AIG1: variants seen among roughly 807,000 people sequenced by gnomAD.
AIG1 encodes the protein androgen-induced gene 1 protein.
AIG1 carries 23 observed loss-of-function variants against 31.4 expected under a neutral mutation model. The observed-to-expected ratio is 0.73, with a 90% CI of 0.53 to 1.04. AIG1 has a LOEUF of 1.04. Ranked by LOEUF, AIG1 falls within the 50% of genes least tolerant of loss-of-function variation. The pLI is 0.00. For synonymous variants in AIG1, 100 were observed against 110.5 expected (o/e 0.90, Z 0.60); for missense variants, 274 against 295.0 (o/e 0.93, Z 0.52).
intron 4 of AIG1, among the ~76,000 whole-genome samples, chr6:143,317,767 C>T (rs903510108): frequency 1.3e-5 from 2 of 152,024 alleles, no homozygotes; most frequent in Admixed American, 6.6e-5. Flanking sequence ...CCAGAAAGCT[C>T]CTAGAACTAA....
chr6:143,312,906 A>G (rs1179600480), intron 4 of AIG1, among the ~76,000 whole-genome samples: 1 of 152,196 alleles, frequency 6.6e-6, no homozygotes, highest in South Asian at 2.1e-4. Flanking sequence ...AAAAATCTGA[A>G]TAGACCTCAA....
At chr6:143,257,183 G>A (rs1394971688) in intron 3 of AIG1, among the ~76,000 whole-genome samples, 1 of 152,208 alleles carries the variant, frequency 6.6e-6, no homozygotes. Context: ...GTCCATGCCC[G>A]ATGGCTTTCA....
chr6:143,329,510 A>G lies in AIG1; in HGVS notation c.516-3772A>G, dbSNP rs946837707. ...TGACATAGTCTCATTTATACCCTAT[A>G]AGCTCTGATTCATACAATAGTACGA... On this transcript the variant is annotated intron_variant, in intron 4 of 5. Transcript: ENST00000357847. The surrounding 1 kb of genome is among the most constrained non-coding windows in gnomAD (Gnocchi z 4.9). 6.6e-6 allele frequency among the ~76,000 whole-genome samples: 1 copy of G among 152,212 alleles called. No homozygotes were observed. The highest frequency in any genetic ancestry group is 1.5e-5 in the Non-Finnish European group (1 of 68,050).
chr6:143,113,810 C>T lies in AIG1; in HGVS notation c.142-23025C>T, dbSNP rs1024751762. Among the ~76,000 whole-genome samples, 11 of 151,856 alleles carry T rather than the reference C, an allele frequency of 7.2e-5. No individual in the cohort carries two copies. In the East Asian group the frequency reaches 1.8e-3, roughly 24 times the overall value. On this transcript the variant is annotated intron_variant, in intron 1 of 5. Coordinates refer to ENST00000357847, the MANE Select transcript of AIG1 (RefSeq NM_016108.4). The stretch of plus-strand genomic sequence containing the variant: ...TTTTTTTTGAGACGGAGTCTCCCTC[C>T]GTCACCCAGGCTAGAGTGCAGTGGC...
chr6:143,113,330 C>T (rs570441927), intron 1 of AIG1, among the ~76,000 whole-genome samples: 92 of 152,034 alleles, frequency 6.1e-4, no homozygotes, highest in African/African-American at 1.9e-3. Context: ...TCTGGCGGGG[C>T]GTGGGGGCTC....
At chr6:143,102,748 A>G (rs1202393130) in intron 1 of AIG1, among the ~76,000 whole-genome samples, 1 of 151,918 alleles carries the variant, frequency 6.6e-6, no homozygotes, top group Non-Finnish European at 1.5e-5. Flanking sequence ...TAACTGACTT[A>G]ATAAAATTAA....
chr6:143,250,631 G>A (rs1794943230), intron 3 of AIG1, among the ~76,000 whole-genome samples: 1 of 152,070 alleles, frequency 6.6e-6, no homozygotes, highest in Admixed American at 6.5e-5. Context: ...GACACACATT[G>A]AGCAGGGGCA....
rs144207750 is a variant in AIG1 at position 143,134,765 on chromosome 6, C to G, written c.142-2070C>G. Among the ~76,000 whole-genome samples, 430 of 152,014 alleles carry G rather than the reference C, an allele frequency of 2.8e-3. 2 individuals carry two copies. The highest frequency in any genetic ancestry group is 9.9e-3 in the African/African-American group (409 of 41,508). ...AACCATACTTTGAGTACTCATGAAG[C>G]CATTCTGTTTTTCATGTTCAGCACA... On this transcript the variant is annotated intron_variant, in intron 1 of 5. Transcript: ENST00000357847.
At chr6:143,068,228 G>A (rs907341256) in intron 1 of AIG1, among the ~76,000 whole-genome samples, 2 of 152,158 alleles carry the variant, frequency 1.3e-5, no homozygotes, top group African/African-American at 4.8e-5. Context: ...ATTTGTTTCT[G>A]TGTGTTCCTC....
intron 1 of AIG1, among the ~76,000 whole-genome samples, chr6:143,102,007 G>C (rs1260176730): frequency 6.6e-6 from 1 of 152,064 alleles, no homozygotes; most frequent in East Asian, 1.9e-4. Flanking sequence ...AGCAAAGTTT[G>C]GGAAACAGAC....
intron 1 of AIG1, among the ~76,000 whole-genome samples, chr6:143,073,864 A>G (rs9403434): frequency 0.25 from 37,528 of 152,186 alleles, 8,635 homozygotes; most frequent in African/African-American, 0.58. Context: ...GGACAGCAAC[A>G]GGGATGGTGC....
At chr6:143,303,183 C>G (rs1341648391) in intron 4 of AIG1, among the ~76,000 whole-genome samples, 2 of 151,454 alleles carry the variant, frequency 1.3e-5, no homozygotes, top group East Asian at 1.9e-4. Context: ...GTTGCCTGTT[C>G]ACTCTGATGG....
chr6:143,339,734 G>A lies in AIG1; in HGVS notation c.*58G>A, dbSNP rs367731855. 12 of 1,580,646 alleles carry A rather than the reference G, an allele frequency of 7.6e-6. No individual in the cohort carries two copies. Among genetic ancestry groups the A allele is most frequent in the East Asian group, 2.3e-5 (1 of 44,254 alleles). ...CCGCCATTGAAGACTCCTTCCCCTCGGGCATTGGCAGTGGGGGAGAAAAGG... is the reference window on the plus strand; with the variant it reads ...CCGCCATTGAAGACTCCTTCCCCTCAGGCATTGGCAGTGGGGGAGAAAAGG... On this transcript the variant is annotated 3_prime_UTR_variant, in exon 6 of 6. Coordinates refer to ENST00000357847, the MANE Select transcript of AIG1 (RefSeq NM_016108.4).
At chr6:143,179,789 G>T (rs1788550059) in intron 3 of AIG1, among the ~76,000 whole-genome samples, 1 of 152,110 alleles carries the variant, frequency 6.6e-6, no homozygotes, top group Admixed American at 6.5e-5. Context: ...AATATCAAAA[G>T]AGAGAATTAT....
At chr6:143,176,872 G>T (rs1788217875) in intron 3 of AIG1, among the ~76,000 whole-genome samples, 1 of 152,238 alleles carries the variant, frequency 6.6e-6, no homozygotes, top group African/African-American at 2.4e-5. Context: ...CAAAGGGTCT[G>T]TGGTTTCTCT....
chr6:143,195,399 T>G (rs1371974660), intron 3 of AIG1, among the ~76,000 whole-genome samples: 1 of 152,192 alleles, frequency 6.6e-6, no homozygotes, highest in Non-Finnish European at 1.5e-5. Context: ...GTACAATGAT[T>G]AGTTTACACA....
chr6:143,328,506 C>A lies in AIG1; in HGVS notation c.516-4776C>A, dbSNP rs1390705851. On this transcript the variant is annotated intron_variant, in intron 4 of 5. Coordinates refer to ENST00000357847, the MANE Select transcript of AIG1 (RefSeq NM_016108.4). This position sits in a 1 kb window ranked among gnomAD's most constrained non-coding sequence, Gnocchi z 4.0. ...TACCCATGGCACGCCTACACTTACC[C>A]TTTCTTAATTCTGACTACACTTGTA... is the stretch of plus-strand genomic sequence containing the variant. Among the ~76,000 whole-genome samples the A allele has an allele frequency of 6.6e-6, 1 of 152,100 alleles. No homozygotes were observed. The highest frequency in any genetic ancestry group is 2.4e-5 in the African/African-American group (1 of 41,414).
At chr6:143,305,177 G>A (rs1799170146) in intron 4 of AIG1, among the ~76,000 whole-genome samples, 1 of 152,058 alleles carries the variant, frequency 6.6e-6, no homozygotes, top group Non-Finnish European at 1.5e-5. Context: ...CAAAAAACCA[G>A]CTCCTGGATT....
At chr6:143,184,762 T>C (rs1003775181) in intron 3 of AIG1, among the ~76,000 whole-genome samples, 13 of 152,248 alleles carry the variant, frequency 8.5e-5, no homozygotes, top group African/African-American at 3.1e-4. Context: ...AAGTTTACCT[T>C]TCTCCAGATC....
Sources: allele counts gnomAD v4.1 joint callset (sites outside exome capture counted in the v4.1 genomes callset), GRCh38; gene constraint gnomAD v4.1.1; non-coding constraint Gnocchi (gnomAD v3.1); transcripts MANE v1.5; gene names NCBI Gene and HGNC (gene_info 2026-07-23, HGNC 2026-07-21).